Variants in CASP5 observed in about 807,000 individuals in gnomAD.
The protein encoded by CASP5 is caspase 5.
CASP5 carries 42 observed loss-of-function variants against 45.2 expected under a neutral mutation model. The ratio of observed to expected loss-of-function variants is 0.93; its 90% CI spans 0.73 to 1.20. The LOEUF (loss-of-function observed/expected upper bound fraction) is 1.20, where lower values mean the gene tolerates loss of function less well. Ranked by LOEUF, CASP5 falls within the 50% of genes most tolerant of loss-of-function variation. The pLI is 0.00. For missense variants in CASP5, 512 were observed against 532.2 expected (o/e 0.96, Z 0.37); for synonymous variants, 209 against 186.2 (o/e 1.12, Z -1.00).
At chr11:104,999,087 G>A in intron 6 of CASP5, 59 bp from the exon 7 acceptor site, 2 of 1,455,592 alleles carry the variant, frequency 1.4e-6, no homozygotes, top group Admixed American at 4.2e-5. Context: ...GAATAGAAAT[G>A]CAGAACGTGT....
chr11:105,022,079 A>G (rs1199182557), intron 1 of CASP5, among the ~76,000 whole-genome samples: 2 of 150,218 alleles, frequency 1.3e-5, no homozygotes, highest in African/African-American at 2.5e-5. Context: ...CAAACACCGC[A>G]TATTCTCACT....
intron 1 of CASP5, among the ~76,000 whole-genome samples, chr11:105,012,080 G>A (rs74871037): frequency 0.056 from 8,494 of 151,558 alleles, 722 homozygotes; most frequent in African/African-American, 0.19. Flanking sequence ...TGGCATAAAA[G>A]CAAACACAGA....
chr11:105,002,835 G>A (rs1219451294), intron 4 of CASP5, among the ~76,000 whole-genome samples: 3 of 152,126 alleles, frequency 2.0e-5, no homozygotes, highest in Non-Finnish European at 4.4e-5. Context: ...ATGAACCCTT[G>A]CCTGCTGAAA....
At chr11:105,010,245 CAA>C (rs1432870763) in intron 1 of CASP5, among the ~76,000 whole-genome samples, 1 of 150,610 alleles carries the variant, frequency 6.6e-6, no homozygotes, top group African/African-American at 2.4e-5. Flanking sequence ...CAAAACAGGA[CAA>C]AAAGTTACAT....
intron 2 of CASP5, among the ~76,000 whole-genome samples, chr11:105,007,635 T>C (rs1162788659): frequency 6.6e-6 from 1 of 152,096 alleles, no homozygotes; most frequent in Non-Finnish European, 1.5e-5. Flanking sequence ...ATATTTCTCT[T>C]TCTCTTGCTC....
intron 1 of CASP5, among the ~76,000 whole-genome samples, chr11:105,021,623 C>G (rs927269870): frequency 6.8e-6 from 1 of 146,504 alleles, no homozygotes; most frequent in East Asian, 1.9e-4. Flanking sequence ...CCATCTCACA[C>G]GAGTTAGAAT....
chr11:105,014,397 T>G, intron 1 of CASP5, among the ~76,000 whole-genome samples: 1 of 152,164 alleles, frequency 6.6e-6, no homozygotes, highest in East Asian at 1.9e-4. Flanking sequence ...GCATAGTTTT[T>G]TACCTTTAAT....
intron 3 of CASP5, among the ~76,000 whole-genome samples, chr11:105,003,870 T>C (rs1487485962): frequency 6.6e-6 from 1 of 150,616 alleles, no homozygotes; most frequent in Non-Finnish European, 1.5e-5. Flanking sequence ...TAATAATATA[T>C]TTATTTAACA....
At chr11:105,007,649 G>A (rs538367202) in intron 2 of CASP5, among the ~76,000 whole-genome samples, 4 of 151,972 alleles carry the variant, frequency 2.6e-5, no homozygotes, top group Non-Finnish European at 4.4e-5. Flanking sequence ...CTTGCTCACA[G>A]CTCATGATGA....
chr11:105,009,010 C>A lies in CASP5; in HGVS notation c.8-30G>T. 3.1e-6 allele frequency: 5 copies of A among 1,604,620 alleles called. No individual in the cohort carries two copies. The South Asian group carries it at 3.4e-5, about 11-fold the overall frequency. ...CAGAAATATAAAGACTCCTTCAACTCTGGGCACAGCTTAAAGAGTTTTGCC... is the reference window on the plus strand; with the variant it reads ...CAGAAATATAAAGACTCCTTCAACTATGGGCACAGCTTAAAGAGTTTTGCC... On this transcript the variant is annotated intron_variant, in intron 1 of 9. Transcript: ENST00000260315.
At chr11:104,997,638 G>A in intron 7 of CASP5, 146 bp from the exon 8 acceptor site, 2 of 504,318 alleles carry the variant, frequency 4.0e-6, no homozygotes, top group Non-Finnish European at 3.5e-6. Context: ...TTCACACAGA[G>A]GAAACAGAAA....
chr11:104,998,071 G>A (rs1861545609), intron 7 of CASP5, among the ~76,000 whole-genome samples: 1 of 152,088 alleles, frequency 6.6e-6, no homozygotes, highest in African/African-American at 2.4e-5. Context: ...TAGATCTTAT[G>A]TAAATTATCC....
intron 1 of CASP5, among the ~76,000 whole-genome samples, chr11:105,017,372 A>G (rs1284980555): frequency 6.6e-6 from 1 of 152,216 alleles, no homozygotes; most frequent in Non-Finnish European, 1.5e-5. Context: ...CTACGGGAGG[A>G]CATTCAACCA....
chr11:105,011,030 T>A (rs1180865299), intron 1 of CASP5, among the ~76,000 whole-genome samples: 1 of 151,682 alleles, frequency 6.6e-6, no homozygotes, highest in Non-Finnish European at 1.5e-5. Context: ...ACAGATAAGA[T>A]GCTTAAGGAA....
At chr11:105,014,625 T>G (rs1236652453) in intron 1 of CASP5, among the ~76,000 whole-genome samples, 1 of 152,200 alleles carries the variant, frequency 6.6e-6, no homozygotes, top group Non-Finnish European at 1.5e-5. Context: ...AAGTTTGATT[T>G]TATTTAATAG....
rs1295092358 is a variant in CASP5 at position 105,002,162 on chromosome 11, C to T, written c.583G>A (p.Ala195Thr). ...IKKREDRRRL[A>T]LIICNTKFDH... ...AACTTTGTATTGCATATGATGAGAG[C>T]CAGGCGTCTGCGGTCCTCTCTCTTT... is the stretch of plus-strand genomic sequence containing the variant. Residue 195 changes from alanine to threonine, a missense_variant, in exon 5 of 10, where the codon GCT becomes ACT. Physicochemically the swap from Ala to Thr is moderately conservative, Grantham distance 58 (BLOSUM62 0). Coordinates refer to ENST00000260315, the MANE Select transcript of CASP5 (RefSeq NM_004347.5). 3.0e-5 allele frequency: 48 copies of T among 1,614,080 alleles called. No individual in the cohort carries two copies. The highest frequency in any genetic ancestry group is 3.9e-5 in the Non-Finnish European group (46 of 1,180,002).
At position 104,995,756 on chromosome 11, in the gene CASP5, A is replaced by G. The variant is rs146387103; in HGVS notation, c.1293T>C (p.Phe431=). Residue 431 remains phenylalanine, a synonymous_variant, in exon 9 of 10, where the codon TTT becomes TTC. Transcript: ENST00000260315. ...AATACTTACATTTTCAATTGCCAGGAAAGAGGTAGAAATCTCTTGTCAAGG... is the reference window on the plus strand; with the variant it reads ...AATACTTACATTTTCAATTGCCAGGGAAGAGGTAGAAATCTCTTGTCAAGG... ...RATLTRDFYL[F]PGN The G allele has an allele frequency of 9.9e-5, 159 of 1,607,704 alleles. No homozygotes were observed. The highest frequency in any genetic ancestry group is 1.3e-4 in the Non-Finnish European group (152 of 1,174,824).
At chr11:105,005,674 C>T (rs908255045) in intron 3 of CASP5, among the ~76,000 whole-genome samples, 6 of 152,128 alleles carry the variant, frequency 3.9e-5, no homozygotes, top group Admixed American at 6.6e-5. Context: ...TCCTTCTTGC[C>T]ACAGCCTCTG....
intron 3 of CASP5, among the ~76,000 whole-genome samples, chr11:105,004,118 T>C (rs955540033): frequency 6.6e-6 from 1 of 152,140 alleles, no homozygotes; most frequent in Admixed American, 6.6e-5. Flanking sequence ...GAAATAAGCT[T>C]CAGTTATCTT....
Sources: gnomAD v4.1 joint callset for allele counts (sites outside exome capture counted in the v4.1 genomes callset) on GRCh38, gnomAD v4.1.1 for gene constraint, MANE v1.5 for transcripts, NCBI Gene and HGNC (gene_info 2026-07-23, HGNC 2026-07-21) for gene names.